The following CNTNAP2 variants were observed in gnomAD, a reference collection of about 807,000 sequenced individuals.
The protein encoded by CNTNAP2 is contactin-associated protein-like 2.
A neutral mutation model predicts 155.2 loss-of-function variants in CNTNAP2; 98 were observed. The observed-to-expected ratio is 0.63, with a 90% CI of 0.54 to 0.75. CNTNAP2 has a LOEUF of 0.75. Among genes scored for constraint, CNTNAP2 ranks in the 30% least tolerant of loss-of-function variants. The pLI is 0.00. For missense variants in CNTNAP2, 1,727 were observed against 1,688.1 expected, an observed-to-expected ratio of 1.02 and a Z score of -0.40; for synonymous variants, 651 against 631.2, an observed-to-expected ratio of 1.03 and a Z score of -0.47.
intron 15 of CNTNAP2, among the ~76,000 whole-genome samples, chr7:147,996,086 C>T (rs1801799650): frequency 6.6e-6 from 1 of 152,212 alleles, no homozygotes; most frequent in Admixed American, 6.5e-5. Context: ...ACAAGGTCAA[C>T]CCTAGATTCT....
chr7:146,684,660 G>C (rs1474822270), intron 1 of CNTNAP2, among the ~76,000 whole-genome samples: 2 of 28,884 alleles, frequency 6.9e-5, no homozygotes, highest in Non-Finnish European at 8.8e-5. Flanking sequence ...AAAAAAAAAA[G>C]CTGGAGGATT....
In CNTNAP2 at chr7:148,055,735, C is replaced by T. The variant is rs560093305; in HGVS notation, c.2384-62383C>T. 9.8e-5 allele frequency among the ~76,000 whole-genome samples: 3 copies of T among 30,582 alleles called. No homozygotes were observed. In the South Asian group the frequency reaches 3.4e-3, roughly 34 times the overall value. 20.1% of individuals were successfully genotyped at this position (30,582 alleles called of 152,430 possible). ...AGCTGCATGCCAAGTTAACACATTG[C>T]AGTTAAGAAGGAAAAGCATTGCAGT... On this transcript the variant is annotated intron_variant, in intron 15 of 23. Transcript: ENST00000361727.
chr7:146,185,097 TC>T (rs1798603910), intron 1 of CNTNAP2, among the ~76,000 whole-genome samples: 1 of 152,130 alleles, frequency 6.6e-6, no homozygotes, highest in African/African-American at 2.4e-5. Flanking sequence ...GTGGTCAGTT[TC>T]CCAGGCCAAT....
intron 21 of CNTNAP2, among the ~76,000 whole-genome samples, chr7:148,292,734 G>A (rs1385493926): frequency 1.3e-5 from 2 of 152,144 alleles, no homozygotes; most frequent in African/African-American, 2.4e-5. Context: ...ATGCTGCAGG[G>A]ACCCTGGCCA....
intron 13 of CNTNAP2, among the ~76,000 whole-genome samples, chr7:147,882,871 T>C (rs769125194): frequency 1.3e-5 from 2 of 152,120 alleles, no homozygotes; most frequent in Non-Finnish European, 2.9e-5. Flanking sequence ...GAATAAAAAG[T>C]ATAATAGAAA....
At chr7:146,854,457 G>A (rs1794937511) in intron 3 of CNTNAP2, among the ~76,000 whole-genome samples, 1 of 152,108 alleles carries the variant, frequency 6.6e-6, no homozygotes, top group African/African-American at 2.4e-5. Context: ...TGATGGAAGA[G>A]GAATGAAAGA....
chr7:146,379,462 A>G (rs1461783081), intron 1 of CNTNAP2, among the ~76,000 whole-genome samples: 1 of 152,168 alleles, frequency 6.6e-6, no homozygotes, highest in Non-Finnish European at 1.5e-5. Flanking sequence ...TAAATCTTGA[A>G]CTGAAGATGA....
At chr7:147,265,007 G>A (rs1278413098) in intron 8 of CNTNAP2, among the ~76,000 whole-genome samples, 1 of 152,000 alleles carries the variant, frequency 6.6e-6, no homozygotes, top group Non-Finnish European at 1.5e-5. Flanking sequence ...GGCAAGTCTT[G>A]ATTTGTAGAA....
At chr7:146,470,900 T>C (rs183979785) in intron 1 of CNTNAP2, among the ~76,000 whole-genome samples, 27 of 152,214 alleles carry the variant, frequency 1.8e-4, no homozygotes, top group Admixed American at 1.1e-3. Context: ...GAATCCCATG[T>C]ATCTATTTTA....
intron 13 of CNTNAP2, among the ~76,000 whole-genome samples, chr7:147,841,247 T>A (rs1798722756): frequency 6.6e-6 from 1 of 152,180 alleles, no homozygotes; most frequent in African/African-American, 2.4e-5. Flanking sequence ...CAGAAAAAGT[T>A]GTATGTGTGG....
chr7:146,171,463 C>G (rs928776760), intron 1 of CNTNAP2, among the ~76,000 whole-genome samples: 1 of 151,958 alleles, frequency 6.6e-6, no homozygotes, highest in Non-Finnish European at 1.5e-5. Flanking sequence ...TTTTAAATAG[C>G]TAAATAATTT....
chr7:147,245,573 C>T (rs1231899306), intron 8 of CNTNAP2, among the ~76,000 whole-genome samples: 4 of 151,898 alleles, frequency 2.6e-5, no homozygotes, highest in Non-Finnish European at 5.9e-5. Context: ...GTGGCTCATG[C>T]CTGTAATCTT....
chr7:146,678,599 A>G (rs75241985), intron 1 of CNTNAP2, among the ~76,000 whole-genome samples: 6,101 of 152,284 alleles, frequency 0.04, 345 homozygotes, highest in African/African-American at 0.12. Flanking sequence ...TTTCACTAGA[A>G]TAATTTATAT....
intron 1 of CNTNAP2, among the ~76,000 whole-genome samples, chr7:146,533,034 A>C (rs1374677484): frequency 6.8e-6 from 1 of 146,178 alleles, no homozygotes; most frequent in East Asian, 2.1e-4. Context: ...CCCGGGAGGC[A>C]GAGGTTGCAG....
At chr7:148,068,980 A>G (rs1209028782) in intron 15 of CNTNAP2, among the ~76,000 whole-genome samples, 1 of 152,152 alleles carries the variant, frequency 6.6e-6, no homozygotes, top group Non-Finnish European at 1.5e-5. Context: ...TGTCTCCTCA[A>G]GTAAGGAGCT....
chr7:146,844,446 C>A (rs992446922), intron 3 of CNTNAP2, among the ~76,000 whole-genome samples: 1 of 152,080 alleles, frequency 6.6e-6, no homozygotes, highest in Non-Finnish European at 1.5e-5. Flanking sequence ...TCTACATACT[C>A]CACCAACTCT....
At position 146,249,157 on chromosome 7, in the gene CNTNAP2, G is replaced by C. The variant is rs550863944; in HGVS notation, c.97+132184G>C. On this transcript the variant is annotated intron_variant, in intron 1 of 23. Transcript: ENST00000361727. ...AATGTCATCAGTTAAGGCAGGAACC[G>C]GCCATCTGGATGTGTACGTGCAGGT... Among the ~76,000 whole-genome samples the C allele has an allele frequency of 1.1e-4, 16 of 152,210 alleles. No individual in the cohort carries two copies. In the South Asian group the frequency reaches 3.3e-3, roughly 32 times the overall value.
chr7:147,332,565 T>G (rs1416630543), intron 9 of CNTNAP2, among the ~76,000 whole-genome samples: 1 of 151,938 alleles, frequency 6.6e-6, no homozygotes, highest in African/African-American at 2.4e-5. Context: ...AAAATAATTC[T>G]AATACAGTAA....
At chr7:146,672,863 A>C (rs1486193370) in intron 1 of CNTNAP2, among the ~76,000 whole-genome samples, 1 of 152,148 alleles carries the variant, frequency 6.6e-6, no homozygotes, top group African/African-American at 2.4e-5. Flanking sequence ...TTGTGTCTTC[A>C]TGTTTCTATA....
Sources: allele counts gnomAD v4.1 joint callset (sites outside exome capture counted in the v4.1 genomes callset), GRCh38; gene constraint gnomAD v4.1.1; transcripts MANE v1.5; gene names NCBI Gene and HGNC (gene_info 2026-07-23, HGNC 2026-07-21).